The following SYNPR variants were observed in gnomAD, a reference collection of about 807,000 sequenced individuals.
SYNPR encodes synaptoporin.
A neutral mutation model predicts 32.9 loss-of-function variants in SYNPR; 23 were observed. The ratio of observed to expected loss-of-function variants is 0.70; its 90% CI spans 0.50 to 0.99. The LOEUF is 0.99. SYNPR is among the 50% of genes least tolerant of loss of function. The probability of loss-of-function intolerance (pLI) is 0.00; values close to 1 mark genes in which losing one functional copy is unlikely to be tolerated. For missense variants in SYNPR, 318 were observed against 349.3 expected (o/e 0.91, Z 0.71); for synonymous variants, 146 against 135.9 (o/e 1.07, Z -0.52).
intron 4 of SYNPR, among the ~76,000 whole-genome samples, chr3:63,606,215 T>C (rs548327794): frequency 1.3e-5 from 2 of 152,090 alleles, no homozygotes; most frequent in Non-Finnish European, 2.9e-5. Context: ...GTCTGAACTT[T>C]TAACTCAGAT....
intron 2 of SYNPR, among the ~76,000 whole-genome samples, chr3:63,472,533 C>T (rs1366663284): frequency 6.6e-6 from 1 of 152,128 alleles, no homozygotes; most frequent in African/African-American, 2.4e-5. Flanking sequence ...TGCTAAAATG[C>T]CCCTTTTCAA....
intron 4 of SYNPR, among the ~76,000 whole-genome samples, chr3:63,570,439 C>T (rs1702866585): frequency 6.6e-6 from 1 of 152,216 alleles, no homozygotes; most frequent in Non-Finnish European, 1.5e-5. Flanking sequence ...AGAGCTATCT[C>T]CCGTCATCCC....
the SYNPR span, among the ~76,000 whole-genome samples, chr3:63,218,714 T>G: frequency 6.6e-6 from 1 of 152,126 alleles, no homozygotes; most frequent in Non-Finnish European, 1.5e-5. Flanking sequence ...GCCTGAAAGG[T>G]GTTTTTTCAT....
intron 2 of SYNPR, among the ~76,000 whole-genome samples, chr3:63,404,301 G>A (rs1303371741): frequency 6.6e-6 from 1 of 152,140 alleles, no homozygotes; most frequent in Non-Finnish European, 1.5e-5. Flanking sequence ...AAAGAAGAGA[G>A]CAGCCTGTTA....
At chr3:63,310,218 G>A (rs2086950274) in intron 2 of SYNPR, among the ~76,000 whole-genome samples, 1 of 151,818 alleles carries the variant, frequency 6.6e-6, no homozygotes, top group African/African-American at 2.4e-5. Flanking sequence ...CTCCTTATTT[G>A]TTTTGTTTTC....
At chr3:63,585,120 C>T (rs1238788079) in intron 4 of SYNPR, among the ~76,000 whole-genome samples, 2 of 152,084 alleles carry the variant, frequency 1.3e-5, no homozygotes, top group African/African-American at 4.8e-5. Context: ...AGGGAGCCTA[C>T]ACTCCTAAAA....
At chr3:63,441,820 A>G (rs1700182728) in intron 2 of SYNPR, among the ~76,000 whole-genome samples, 1 of 152,180 alleles carries the variant, frequency 6.6e-6, no homozygotes, top group South Asian at 2.1e-4. Context: ...TGGAGGAGAG[A>G]GGGAGCTGGA....
intron 2 of SYNPR, among the ~76,000 whole-genome samples, chr3:63,312,386 A>T (rs940547862): frequency 1.3e-5 from 2 of 151,916 alleles, no homozygotes; most frequent in Admixed American, 1.3e-4. Context: ...GCTGCTCAGC[A>T]ATCTCTATTT....
intron 3 of SYNPR, among the ~76,000 whole-genome samples, chr3:63,506,765 G>A (rs1432915951): frequency 6.6e-6 from 1 of 152,132 alleles, no homozygotes; most frequent in Non-Finnish European, 1.5e-5. Flanking sequence ...AACTGCAAAA[G>A]AGGAGGTATA....
chr3:63,437,377 G>C (rs761706659), intron 2 of SYNPR, among the ~76,000 whole-genome samples: 5 of 152,080 alleles, frequency 3.3e-5, no homozygotes, highest in Non-Finnish European at 7.3e-5. Flanking sequence ...CAAGTGACAA[G>C]ACCACACAAG....
chr3:63,293,288 A>G (rs2106932871), intron 2 of SYNPR, among the ~76,000 whole-genome samples: 1 of 152,160 alleles, frequency 6.6e-6, no homozygotes, highest in East Asian at 1.9e-4. Context: ...TTTGCTGCCA[A>G]ATATAATAAG....
intron 2 of SYNPR, among the ~76,000 whole-genome samples, chr3:63,460,101 G>A (rs1700553944): frequency 6.6e-6 from 1 of 152,092 alleles, no homozygotes; most frequent in Non-Finnish European, 1.5e-5. Context: ...CAACCAGAGA[G>A]GTCATTTCTG....
intron 1 of SYNPR, among the ~76,000 whole-genome samples, chr3:63,250,305 C>A (rs2086321479): frequency 1.3e-5 from 2 of 151,872 alleles, no homozygotes; most frequent in Non-Finnish European, 2.9e-5. Flanking sequence ...ACAATTATTA[C>A]ATGTCAACTA....
chr3:63,473,895 C>T (rs1700849320), intron 2 of SYNPR, among the ~76,000 whole-genome samples: 1 of 152,174 alleles, frequency 6.6e-6, no homozygotes, highest in Non-Finnish European at 1.5e-5. Flanking sequence ...GTCCTGGGTA[C>T]TTGTAGTGCC....
chr3:63,504,380 T>G (rs540965255), intron 3 of SYNPR, among the ~76,000 whole-genome samples: 2 of 152,188 alleles, frequency 1.3e-5, no homozygotes, highest in Non-Finnish European at 2.9e-5. Context: ...AACTGGTGAT[T>G]CACAGAATAG....
At chr3:63,426,029 C>G (rs1486961623) in intron 2 of SYNPR, among the ~76,000 whole-genome samples, 1 of 152,074 alleles carries the variant, frequency 6.6e-6, no homozygotes, top group Non-Finnish European at 1.5e-5. Flanking sequence ...TTGTGATCCA[C>G]CCGCCTCGAC....
chr3:63,295,770 G>C (rs1430430410), intron 2 of SYNPR, among the ~76,000 whole-genome samples: 1 of 152,216 alleles, frequency 6.6e-6, no homozygotes, highest in Non-Finnish European at 1.5e-5. Context: ...AGTTGCCTAG[G>C]CAAATGATGG....
chr3:63,398,834 A>C (rs1471537008), intron 2 of SYNPR, among the ~76,000 whole-genome samples: 1 of 152,154 alleles, frequency 6.6e-6, no homozygotes, highest in Admixed American at 6.5e-5. Flanking sequence ...ATCTGAGGGG[A>C]CCACAGATGG....
intron 2 of SYNPR, among the ~76,000 whole-genome samples, chr3:63,306,307 C>T (rs1874928): frequency 0.45 from 68,841 of 151,734 alleles, 15,817 homozygotes; most frequent in Middle Eastern, 0.52. Flanking sequence ...AAGCATCACT[C>T]CTTGGAGAGG....
Sources: gnomAD v4.1 joint callset for allele counts (sites outside exome capture counted in the v4.1 genomes callset) on GRCh38, gnomAD v4.1.1 for gene constraint, MANE v1.5 for transcripts, NCBI Gene and HGNC (gene_info 2026-07-23, HGNC 2026-07-21) for gene names.